The following TULP4 variants were observed in gnomAD, a reference collection of about 807,000 sequenced individuals.
TULP4 encodes the protein tubby-related protein 4.
In TULP4, 16 loss-of-function variants were observed where a neutral mutation model predicts 129.0. That is an observed-to-expected ratio of 0.12 (90% confidence interval 0.08 to 0.19). TULP4 has a LOEUF of 0.19. Ranked by LOEUF, TULP4 falls within the 10% of genes least tolerant of loss-of-function variation. The probability of loss-of-function intolerance (pLI) is 1.00; values close to 1 mark genes in which losing one functional copy is unlikely to be tolerated. For synonymous variants in TULP4, 998 were observed against 854.0 expected (o/e 1.17, Z -2.94); for missense variants, 1,842 against 2,059.1 (o/e 0.89, Z 2.04).
At chr6:158,444,757 T>C (rs749543799) in intron 3 of TULP4, among the ~76,000 whole-genome samples, 1 of 152,238 alleles carries the variant, frequency 6.6e-6, no homozygotes, top group Non-Finnish European at 1.5e-5. Context: ...AAAAATAGTT[T>C]AGAATGGAGT....
chr6:158,241,943 CT>C, intron 1 of TULP4: 1 of 858,608 alleles, frequency 1.2e-6, no homozygotes, highest in South Asian at 1.3e-5. Flanking sequence ...AGCTTAAACT[CT>C]ACTCTTTCCG....
At chr6:158,444,430 C>T (rs1477744546) in intron 3 of TULP4, among the ~76,000 whole-genome samples, 8 of 151,698 alleles carry the variant, frequency 5.3e-5, no homozygotes, top group African/African-American at 1.9e-4. Context: ...ATTCCCCCAG[C>T]CTTCAGTCAT....
At chr6:158,285,154 G>A (rs1487633706) in intron 1 of TULP4, among the ~76,000 whole-genome samples, 1 of 152,126 alleles carries the variant, frequency 6.6e-6, no homozygotes, top group Admixed American at 6.5e-5. Flanking sequence ...AACAGATTGT[G>A]AACAGTTTAC....
intron 1 of TULP4, among the ~76,000 whole-genome samples, chr6:158,340,168 C>A (rs752060115): frequency 1.3e-5 from 2 of 152,032 alleles, no homozygotes; most frequent in Non-Finnish European, 2.9e-5. Flanking sequence ...TGTACAGTAA[C>A]CTTGATAATT....
At chr6:158,418,400 T>C (rs1225524739) in intron 2 of TULP4, among the ~76,000 whole-genome samples, 1 of 120,694 alleles carries the variant, frequency 8.3e-6, no homozygotes, top group African/African-American at 4.1e-5. Flanking sequence ...GAGCCACCAC[T>C]TTTTTTTTTT....
rs143790055 is a variant in TULP4, at chr6:158,492,817, C to A, written c.1632-756C>A. Among the ~76,000 whole-genome samples the A allele has an allele frequency of 2.9e-3, 443 of 152,290 alleles. 2 individuals carry two copies. The highest frequency in any genetic ancestry group is 3.4e-3 in the Non-Finnish European group (230 of 68,024). On this transcript the variant is annotated intron_variant, in intron 9 of 13. Coordinates refer to ENST00000367097, the MANE Select transcript of TULP4 (RefSeq NM_020245.5). ...AACCTTACCATACTCATTTTAATCA[C>A]ACTGTCTTTGGGGTAGACTGTCATT...
At chr6:158,310,260 GAACT>G (rs1341843772), upstream of TULP4, 2 of 151,904 alleles carry the variant, frequency 1.3e-5, no homozygotes, top group Non-Finnish European at 2.9e-5. Flanking sequence ...AGGTGACAAG[GAACT>G]AGCATGTCAC....
chr6:158,238,279 C>A, intron 1 of TULP4: 2 of 1,133,600 alleles, frequency 1.8e-6, no homozygotes, highest in Non-Finnish European at 2.6e-6. Context: ...TTGTGTGCTG[C>A]TTTTCACGCA....
At chr6:158,260,593 G>C (rs959228004) in intron 1 of TULP4, among the ~76,000 whole-genome samples, 10 of 138,382 alleles carry the variant, frequency 7.2e-5, no homozygotes, top group South Asian at 4.8e-4. Context: ...AAAAAAAAAT[G>C]TTCATTAGTG....
chr6:158,298,777 A>G (rs1463612647), intron 1 of TULP4, among the ~76,000 whole-genome samples: 1 of 152,188 alleles, frequency 6.6e-6, no homozygotes, highest in Non-Finnish European at 1.5e-5. Flanking sequence ...AGAATGTTTG[A>G]GTCTACGTTG....
chr6:158,392,794 C>CTTTGTTTTTTTTTTTTT (rs1554286994), intron 1 of TULP4, among the ~76,000 whole-genome samples: 1 of 54,642 alleles, frequency 1.8e-5, no homozygotes, highest in Non-Finnish European at 3.0e-5. Context: ...ATTTGTATTT[C>CTTTGTTTTTTTTTTTTT]TTTTTTTTTT....
rs1238609923 is a variant in TULP4, at chr6:158,243,055, G to T, written n.68+10752G>T. Among the ~76,000 whole-genome samples the T allele has an allele frequency of 2.6e-5, 4 of 152,252 alleles. No individual in the cohort carries two copies. The South Asian group carries it at 6.2e-4, about 24-fold the overall frequency. ...GCCCGCCTCGGCCTCCCAAAGTGCT[G>T]GGATTGCAGACGTGAGCCACCGCAC... is the stretch of plus-strand genomic sequence containing the variant. On this transcript the variant is annotated intron_variant and non_coding_transcript_variant, in intron 1 of 1. Transcript: ENST00000620026.
intron 1 of TULP4, among the ~76,000 whole-genome samples, chr6:158,404,134 G>A (rs1777919596): frequency 6.6e-6 from 1 of 152,180 alleles, no homozygotes. Context: ...TTCTTATGGT[G>A]AGTTCATTGT....
Position 158,461,612 on chromosome 6 carries a change from G to A in TULP4, c.909G>A (p.Gly303=). The change falls in exon 6 of 14, where the codon GGG becomes GGA. Residue 303 remains glycine (G), a synonymous_variant. Coordinates refer to ENST00000367097, the MANE Select transcript of TULP4 (RefSeq NM_020245.5). ...CTQGDLLAVA[G]MERQTQLGEL... ...AGGGGGACTTGCTGGCAGTCGCTGG[G>A]ATGGAACGGCAGACCCAGCTTGGTG... is the stretch of plus-strand genomic sequence containing the variant. 1.2e-6 allele frequency: 2 copies of A among 1,614,012 alleles called. No homozygotes were observed. The highest frequency in any genetic ancestry group is 1.7e-5 in the Admixed American group (1 of 60,004).
intron 1 of TULP4, among the ~76,000 whole-genome samples, chr6:158,258,270 T>G (rs1583682245): frequency 1.3e-5 from 2 of 152,220 alleles, no homozygotes; most frequent in East Asian, 3.8e-4. Flanking sequence ...TCTTTCTCTC[T>G]TTTGTCTTCT....
intron 1 of TULP4, among the ~76,000 whole-genome samples, chr6:158,326,355 T>A (rs1779748744): frequency 6.6e-6 from 1 of 152,186 alleles, no homozygotes; most frequent in Admixed American, 6.5e-5. Context: ...CCTGAACACC[T>A]CCATCTGAGA....
At chr6:158,388,422 CG>C (rs1777506875) in intron 1 of TULP4, among the ~76,000 whole-genome samples, 1 of 148,932 alleles carries the variant, frequency 6.7e-6, no homozygotes, top group African/African-American at 2.5e-5. Context: ...CTCCACCTCC[CG>C]GGTTCACACC....
chr6:158,342,223 G>C (rs533368911), intron 1 of TULP4, among the ~76,000 whole-genome samples: 2 of 152,320 alleles, frequency 1.3e-5, no homozygotes, highest in South Asian at 2.1e-4. Flanking sequence ...GCCCAGCTTG[G>C]TGTGATCTTA....
At chr6:158,330,438 A>G (rs1018321815) in intron 1 of TULP4, among the ~76,000 whole-genome samples, 13 of 152,178 alleles carry the variant, frequency 8.5e-5, no homozygotes, top group African/African-American at 3.1e-4. Flanking sequence ...AGCTATGAAC[A>G]TTTTGCTTTA....
Sources: gnomAD v4.1 joint callset for allele counts (sites outside exome capture counted in the v4.1 genomes callset) on GRCh38, gnomAD v4.1.1 for gene constraint, MANE v1.5 for transcripts, NCBI Gene and HGNC (gene_info 2026-07-23, HGNC 2026-07-21) for gene names.